SELENOT: variants seen among roughly 807,000 people sequenced by gnomAD.
The protein encoded by SELENOT is selenoprotein T, also known as thioredoxin reductase-like selenoprotein T.
SELENOT carries 9 observed loss-of-function variants against 24.3 expected under a neutral mutation model. The observed-to-expected ratio is 0.37, with a 90% CI of 0.22 to 0.65. SELENOT has a LOEUF of 0.65. SELENOT is among the 30% of genes least tolerant of loss of function. The pLI, the probability that SELENOT is intolerant of heterozygous loss-of-function variation, is 0.60. For synonymous variants in SELENOT, 81 were observed against 86.0 expected (o/e 0.94, Z 0.32); for missense variants, 166 against 247.6 (o/e 0.67, Z 2.21).
chr3:150,611,733 C>A, intron 1 of SELENOT: 2 of 1,521,410 alleles, frequency 1.3e-6, no homozygotes, highest in Non-Finnish European at 1.8e-6. Context: ...TGCCAGGAGC[C>A]CGGCCTGGCC....
chr3:150,611,902 G>A (rs1726103244), intron 1 of SELENOT: 4 of 996,430 alleles, frequency 4.0e-6, no homozygotes, highest in South Asian at 3.0e-5. Flanking sequence ...GGGTACCGGC[G>A]CTGACAGAAA....
rs6440687 is a variant in SELENOT at position 150,622,388 on chromosome 3, T to A, written c.141T>A (p.Val47=). 2.6e-3 allele frequency: 3,700 copies of A among 1,414,350 alleles called. 96 individuals are homozygous for A. In the African/African-American group the frequency reaches 0.048, roughly 18 times the overall value. The allele number at this position is 1,414,350 out of a possible 1,614,324, so 87.6% of individuals were successfully genotyped here. Residue 47 remains valine, a synonymous_variant, in exon 2 of 6, where the codon GTT becomes GTA. Coordinates refer to ENST00000471696, the MANE Select transcript of SELENOT (RefSeq NM_016275.5). The part of the protein sequence containing the change: ...TGPLLKFQIC[V]SUGYRRVFEE... ...GGAAACACTTATTTTTCTGCAGTGT[T>A]TCCTGAGGTTATAGGCGGGTGTTTG...
rs1559899781 is a variant in SELENOT, at chr3:150,627,180, A to G, written c.*29+17A>G. On this transcript the variant is annotated intron_variant, in intron 5 of 5. Transcript: ENST00000471696. ...AACTCTTTTGTAAGTTGTTTAAAAT[A>G]TAGCTAATGTATAGGTTTCTGTTGA... 6.3e-7 allele frequency: 1 copy of G among 1,578,276 alleles called. No homozygotes were observed. The highest frequency in any genetic ancestry group is 1.2e-5 in the South Asian group (1 of 86,044).
In SELENOT at chr3:150,623,183, T is replaced by C; in HGVS notation, c.375+14T>C. 6.3e-7 allele frequency: 1 copy of C among 1,577,682 alleles called. No individual in the cohort carries two copies. On this transcript the variant is annotated intron_variant, in intron 3 of 5. Coordinates refer to ENST00000471696, the MANE Select transcript of SELENOT (RefSeq NM_016275.5). ...CAAGAAAATAAGGTATGTAACTTAA[T>C]AGCTTTGGTAACTGTAGGTTTTTAT...
intron 1 of SELENOT, among the ~76,000 whole-genome samples, chr3:150,608,835 G>A (rs542555051): frequency 6.6e-6 from 1 of 152,330 alleles, no homozygotes; most frequent in East Asian, 1.9e-4. Flanking sequence ...AGGTAAACAT[G>A]ACTGAATGAT....
intron 1 of SELENOT, among the ~76,000 whole-genome samples, chr3:150,609,338 A>T (rs1726033489): frequency 6.6e-6 from 1 of 151,836 alleles, no homozygotes; most frequent in Non-Finnish European, 1.5e-5. Context: ...CTTGCTACTT[A>T]TTCTGTTGAT....
chr3:150,604,776 C>T (rs993689659), intron 1 of SELENOT, among the ~76,000 whole-genome samples: 7 of 152,216 alleles, frequency 4.6e-5, no homozygotes, highest in Non-Finnish European at 8.8e-5. Flanking sequence ...CTGGCTCACG[C>T]CTGTAATCCC....
At chr3:150,612,126 C>T (rs1307184995) in intron 1 of SELENOT, among the ~76,000 whole-genome samples, 3 of 151,848 alleles carry the variant, frequency 2.0e-5, no homozygotes, top group Admixed American at 6.5e-5. Context: ...CAGAATCTCG[C>T]TCTGTCGCCC....
chr3:150,619,375 CA>C (rs879274575), intron 1 of SELENOT, among the ~76,000 whole-genome samples: 70 of 140,684 alleles, frequency 5.0e-4, no homozygotes, highest in East Asian at 4.7e-3. Context: ...ACTAAAAATA[CA>C]AAAAAAAAAA....
rs754767634 is a variant in SELENOT at position 150,627,126 on chromosome 3, C to T, written c.580C>T (p.Arg194Ter). The T allele has an allele frequency of 6.9e-5, 112 of 1,612,572 alleles. No homozygotes were observed. The highest frequency in any genetic ancestry group is 9.3e-5 in the Non-Finnish European group (110 of 1,179,250). The change falls in exon 5 of 6, where the codon CGA (arginine) becomes TGA (stop). Residue 194 changes from arginine (R) to a stop codon, truncating the protein, a stop_gained. Transcript: ENST00000471696. LOFTEE classifies it high-confidence loss of function. ...NVHMDSIPHH[R>*]S is the part of the protein sequence containing the mutation. ...GCATATGGATTCAATCCCACACCAT[C>T]GATCATAGCACCACCTATCAGCACT...
rs547753165 is a variant in SELENOT at position 150,609,022 on chromosome 3, A to C, written c.137+5523A>C. ...CCTGATTGTTCTGCCTAGGACTTCTAGTATTATGTTGAATAGGAGTGGTGA... is the reference window on the plus strand; with the variant it reads ...CCTGATTGTTCTGCCTAGGACTTCTCGTATTATGTTGAATAGGAGTGGTGA... On this transcript the variant is annotated intron_variant, in intron 1 of 5. Coordinates refer to ENST00000471696, the MANE Select transcript of SELENOT (RefSeq NM_016275.5). Among the ~76,000 whole-genome samples the C allele has an allele frequency of 2.6e-5, 4 of 152,292 alleles. No homozygotes were observed. The South Asian group carries it at 8.3e-4, about 32-fold the overall frequency.
At chr3:150,612,007 G>C in intron 1 of SELENOT, 1 of 520,948 alleles carries the variant, frequency 1.9e-6, no homozygotes, top group Non-Finnish European at 3.3e-6. Flanking sequence ...TGCTGCTGGC[G>C]CCGAAACAGT....
chr3:150,622,685 AGG>A (rs775567863), intron 2 of SELENOT, among the ~76,000 whole-genome samples, 190 bp downstream of exon 2: 4 of 152,204 alleles, frequency 2.6e-5, no homozygotes, highest in Non-Finnish European at 4.4e-5. Flanking sequence ...AAGAAGGAAG[AGG>A]GTCGTTTCAG....
At chr3:150,605,308 A>G (rs1725937896) in intron 1 of SELENOT, among the ~76,000 whole-genome samples, 1 of 152,112 alleles carries the variant, frequency 6.6e-6, no homozygotes. Context: ...TTTCCAAAAT[A>G]CCCCTTTTAC....
At chr3:150,623,021 T>A (rs1726373685) in intron 2 of SELENOT, 22 bp from the exon 3 acceptor site, 1 of 1,501,698 alleles carries the variant, frequency 6.7e-7, no homozygotes, top group African/African-American at 1.4e-5. Context: ...TTCTGATGAT[T>A]TTCTTTCTTT....
chr3:150,616,810 T>G (rs1370914511), intron 1 of SELENOT, among the ~76,000 whole-genome samples: 1 of 152,252 alleles, frequency 6.6e-6, no homozygotes, highest in East Asian at 1.9e-4. Flanking sequence ...CCAGCTAATT[T>G]TTGTATTTCT....
intron 1 of SELENOT, among the ~76,000 whole-genome samples, chr3:150,618,504 G>A (rs1474972686): frequency 6.6e-6 from 1 of 152,146 alleles, no homozygotes; most frequent in African/African-American, 2.4e-5. Flanking sequence ...AATAGAGAAG[G>A]TGAAAGTGGA....
At chr3:150,609,891 G>A (rs962302093) in intron 1 of SELENOT, among the ~76,000 whole-genome samples, 9 of 152,142 alleles carry the variant, frequency 5.9e-5, no homozygotes, top group African/African-American at 2.2e-4. Context: ...TTTGTCATTA[G>A]GTTGTTGGTT....
chr3:150,624,560 T>G lies in SELENOT; in HGVS notation c.376-252T>G, dbSNP rs1027943982. 3.9e-5 allele frequency among the ~76,000 whole-genome samples: 6 copies of G among 152,298 alleles called. 1 individual carries two copies. Among genetic ancestry groups the G allele is most frequent in the African/African-American group, 4.8e-5 (2 of 41,582 alleles). ...AAAATGGTAAAGTGAACTCTTATGC[T>G]TGTATTCTTTTGTTTAACTTATTAA... is the stretch of plus-strand genomic sequence containing the variant. On this transcript the variant is annotated intron_variant, in intron 3 of 5. Transcript: ENST00000471696.
Sources: allele counts gnomAD v4.1 joint callset (sites outside exome capture counted in the v4.1 genomes callset), GRCh38; gene constraint gnomAD v4.1.1; transcripts MANE v1.5; gene names NCBI Gene and HGNC (gene_info 2026-07-23, HGNC 2026-07-21).